LINGO1: variants seen among roughly 807,000 people sequenced by gnomAD.
The protein encoded by LINGO1 is leucine rich repeat and Ig domain containing 1.
LINGO1 carries 11 observed loss-of-function variants against 37.3 expected under a neutral mutation model. The observed-to-expected ratio is 0.29, with a 90% CI of 0.19 to 0.49. LINGO1 has a LOEUF of 0.49. Ranked by LOEUF, LINGO1 falls within the 20% of genes least tolerant of loss-of-function variation. The pLI is 0.99. For missense variants in LINGO1, 585 were observed against 878.2 expected, an observed-to-expected ratio of 0.67 and a Z score of 4.22; for synonymous variants, 387 against 403.0, an observed-to-expected ratio of 0.96 and a Z score of 0.48.
intron 1 of LINGO1, among the ~76,000 whole-genome samples, chr15:77,798,219 A>G (rs1011048426): frequency 3.3e-5 from 5 of 152,200 alleles, no homozygotes; most frequent in African/African-American, 9.6e-5. Flanking sequence ...GCAGCTCCTC[A>G]GGCCCGGGTA....
intron 2 of LINGO1, among the ~76,000 whole-genome samples, chr15:77,701,813 A>G (rs1183735607): frequency 1.3e-5 from 2 of 152,192 alleles, no homozygotes; most frequent in African/African-American, 4.8e-5. Context: ...TGCAGATGCC[A>G]GCACCATGCT....
chr15:77,730,077 G>T (rs3935831), intron 2 of LINGO1, among the ~76,000 whole-genome samples: 54,370 of 151,692 alleles, frequency 0.36, 10,786 homozygotes, highest in Admixed American at 0.51. Context: ...GGAGCGTTGT[G>T]GGGGGAGTAG....
intron 1 of LINGO1, among the ~76,000 whole-genome samples, chr15:77,621,107 T>C (rs1473496939): frequency 1.3e-5 from 2 of 151,290 alleles, no homozygotes; most frequent in Non-Finnish European, 2.9e-5. Flanking sequence ...CAGGCTGGAG[T>C]GCAGTGGCGA....
chr15:77,795,379 C>T (rs1289344520), intron 2 of LINGO1, among the ~76,000 whole-genome samples: 1 of 152,210 alleles, frequency 6.6e-6, no homozygotes, highest in African/African-American at 2.4e-5. Context: ...TCCAAGAACA[C>T]ATCTCCTCTG....
At chr15:77,775,277 C>T (rs1436642263) in intron 1 of LINGO1, among the ~76,000 whole-genome samples, 2 of 152,226 alleles carry the variant, frequency 1.3e-5, no homozygotes, top group East Asian at 3.8e-4. Context: ...TGAGATTCCC[C>T]TCCCTGGACC....
rs115367250 is a variant in LINGO1 at position 77,686,439 on chromosome 15, C to T, written c.-99+4281G>A. On this transcript the variant is annotated intron_variant, in intron 2 of 3. Coordinates refer to the LINGO1 transcript ENST00000559893. ...ACCAGCATGCAGGCCTGGGGGAAGG[C>T]AAGACCCGGGAACATGCCCAGCCTG... is the stretch of plus-strand genomic sequence containing the variant. Among the ~76,000 whole-genome samples, 760 of 152,346 alleles carry T rather than the reference C, an allele frequency of 5.0e-3. 5 individuals carry two copies. The highest frequency in any genetic ancestry group is 0.018 in the African/African-American group (730 of 41,578).
chr15:77,625,528 C>T (rs78996497), intron 1 of LINGO1, among the ~76,000 whole-genome samples: 1 of 152,074 alleles, frequency 6.6e-6, no homozygotes, highest in Non-Finnish European at 1.5e-5. Context: ...TATAGTGCCT[C>T]TTTTTTTTAA....
At chr15:77,675,563 G>C (rs145030772) in intron 3 of LINGO1, among the ~76,000 whole-genome samples, 1 of 152,194 alleles carries the variant, frequency 6.6e-6, no homozygotes, top group African/African-American at 2.4e-5. Flanking sequence ...TTTAAAATAC[G>C]TTGATAAGTA....
At chr15:77,795,415 C>T (rs1419114810) in intron 2 of LINGO1, among the ~76,000 whole-genome samples, 1 of 152,220 alleles carries the variant, frequency 6.6e-6, no homozygotes, top group African/African-American at 2.4e-5. Context: ...GGTCACCTGG[C>T]TGCCAATGAC....
intron 1 of LINGO1, among the ~76,000 whole-genome samples, chr15:77,620,643 T>A (rs2073888833): frequency 6.6e-6 from 1 of 152,202 alleles, no homozygotes; most frequent in Admixed American, 6.5e-5. Context: ...CTAGCCTTTT[T>A]CCAGCTGGAA....
chr15:77,643,639 T>A (rs1171094129), intron 3 of LINGO1, among the ~76,000 whole-genome samples: 1 of 152,148 alleles, frequency 6.6e-6, no homozygotes, highest in African/African-American at 2.4e-5. Context: ...AACTCCCTCA[T>A]CACAGGGGTG....
chr15:77,761,317 A>G (rs965062199), intron 1 of LINGO1, among the ~76,000 whole-genome samples: 6 of 152,164 alleles, frequency 3.9e-5, no homozygotes, highest in Non-Finnish European at 5.9e-5. Flanking sequence ...ACCCACCACC[A>G]AATTGTGAAC....
At chr15:77,812,979 G>A (rs1034435286) in intron 1 of LINGO1, among the ~76,000 whole-genome samples, 3 of 152,206 alleles carry the variant, frequency 2.0e-5, no homozygotes, top group African/African-American at 7.2e-5. Flanking sequence ...TGGCCACAGA[G>A]GCCCCAAGGG....
chr15:77,710,818 G>A (rs992035425), intron 2 of LINGO1, among the ~76,000 whole-genome samples: 1 of 152,242 alleles, frequency 6.6e-6, no homozygotes, highest in African/African-American at 2.4e-5. Context: ...GGGCCGCCAG[G>A]CCCCCAGATT....
At chr15:77,803,971 A>G (rs892470266) in intron 1 of LINGO1, among the ~76,000 whole-genome samples, 4 of 152,208 alleles carry the variant, frequency 2.6e-5, no homozygotes, top group African/African-American at 9.7e-5. Flanking sequence ...TTCTTAAGGC[A>G]GCAGGGTAGA....
chr15:77,638,194 G>A (rs902797963), upstream of LINGO1, among the ~76,000 whole-genome samples: 1 of 152,198 alleles, frequency 6.6e-6, no homozygotes, highest in African/African-American at 2.4e-5. Context: ...TTCTGCACTG[G>A]GTGGCCTGGC....
intron 1 of LINGO1, among the ~76,000 whole-genome samples, chr15:77,739,417 G>A (rs2076238076): frequency 6.6e-6 from 1 of 152,124 alleles, no homozygotes; most frequent in African/African-American, 2.4e-5. Context: ...CAACCCCTTG[G>A]GGGCCTCAGG....
intron 1 of LINGO1, among the ~76,000 whole-genome samples, chr15:77,618,346 C>T (rs1321393396): frequency 6.6e-6 from 1 of 152,198 alleles, no homozygotes; most frequent in Non-Finnish European, 1.5e-5. Context: ...TGAGCAAAGC[C>T]ACCTGGGCCT....
chr15:77,673,503 T>C (rs751284101), intron 3 of LINGO1, among the ~76,000 whole-genome samples: 1 of 152,234 alleles, frequency 6.6e-6, no homozygotes, highest in Non-Finnish European at 1.5e-5. Flanking sequence ...ATTTGACACA[T>C]GCTTGAAATG....
Sources: allele counts gnomAD v4.1 joint callset (sites outside exome capture counted in the v4.1 genomes callset), GRCh38; gene constraint gnomAD v4.1.1; transcripts MANE v1.5; gene names NCBI Gene and HGNC (gene_info 2026-07-23, HGNC 2026-07-21).